The following CDH13 variants were observed in gnomAD, a reference collection of about 807,000 sequenced individuals.
The protein encoded by CDH13 is cadherin-13.
Under a neutral mutation model 63.8 loss-of-function variants are expected in CDH13, and 24 were observed. The observed-to-expected ratio is 0.38, with a 90% confidence interval of 0.27 to 0.53. The LOEUF is 0.53. Among genes scored for constraint, CDH13 ranks in the 20% least tolerant of loss-of-function variants. The pLI, the probability that CDH13 is intolerant of heterozygous loss-of-function variation, is 0.85. For missense variants in CDH13, 1,049 were observed against 903.1 expected (o/e 1.16, Z -2.07); for synonymous variants, 503 against 355.3 (o/e 1.42, Z -4.67).
chr16:83,486,636 C>G lies in CDH13; in HGVS notation c.941C>G (p.Pro314Arg). Residue 314 changes from proline (P) to arginine (R), a missense_variant, in exon 7 of 14, where the codon CCT (proline) becomes CGT (arginine). Physicochemically the swap from Pro to Arg is moderately radical, Grantham distance 103. Coordinates refer to ENST00000567109, the MANE Select transcript of CDH13 (RefSeq NM_001257.5). ...EKGDIVTVVSPALLDRETLEN... is the reference protein window; with the variant it reads ...EKGDIVTVVSRALLDRETLEN... The stretch of plus-strand genomic sequence containing the variant: ...GGAGACATTGTCACTGTTGTGTCAC[C>G]TGCGCTGCTGGACCGAGAGGTGAGC... The G allele has an allele frequency of 6.2e-7, 1 of 1,613,836 alleles. No individual in the cohort carries two copies. Among genetic ancestry groups the G allele is most frequent in the Non-Finnish European group, 8.5e-7 (1 of 1,179,762 alleles).
intron 7 of CDH13, among the ~76,000 whole-genome samples, chr16:83,584,650 G>A (rs190812779): frequency 6.6e-6 from 1 of 152,280 alleles, no homozygotes; most frequent in East Asian, 1.9e-4. Context: ...ATAGTGTCCA[G>A]GAGCTTCTGT....
At position 83,095,269 on chromosome 16, in the gene CDH13, A is replaced by G. The variant is rs190487180; in HGVS notation, c.367-30116A>G. On this transcript the variant is annotated intron_variant, in intron 3 of 13. Transcript: ENST00000567109. ...AACACTCACTGTTCCCAAAACTTTC[A>G]CCTCAATAATTCTGTCCACTGGTAT... 7.6e-4 allele frequency among the ~76,000 whole-genome samples: 116 copies of G among 152,258 alleles called. 1 individual carries two copies. Among genetic ancestry groups the G allele is most frequent in the African/African-American group, 2.6e-3 (110 of 41,556 alleles).
intron 1 of CDH13, among the ~76,000 whole-genome samples, chr16:82,790,534 T>C (rs548270776): frequency 1.3e-5 from 2 of 152,202 alleles, no homozygotes; most frequent in Non-Finnish European, 2.9e-5. Flanking sequence ...ACAAAAAAAT[T>C]ATTTGGTCAA....
intron 1 of CDH13, among the ~76,000 whole-genome samples, chr16:82,798,614 C>A (rs1216526865): frequency 3.3e-5 from 5 of 152,164 alleles, no homozygotes; most frequent in African/African-American, 9.7e-5. Context: ...TTGGAAGACA[C>A]TTCCCCATTC....
At chr16:83,693,038 G>T (rs1007534496) in intron 10 of CDH13, among the ~76,000 whole-genome samples, 2 of 152,184 alleles carry the variant, frequency 1.3e-5, no homozygotes, top group Admixed American at 6.5e-5. Context: ...AGCTGAGACT[G>T]CACCACTACA....
At chr16:83,122,407 T>G (rs2035622607) in intron 3 of CDH13, among the ~76,000 whole-genome samples, 1 of 152,252 alleles carries the variant, frequency 6.6e-6, no homozygotes, top group Non-Finnish European at 1.5e-5. Flanking sequence ...GTTTTCATTT[T>G]GAACACATTT....
At chr16:83,254,978 T>TTGAAG (rs1906064064) in intron 5 of CDH13, among the ~76,000 whole-genome samples, 1 of 22,770 alleles carries the variant, frequency 4.4e-5, no homozygotes, top group African/African-American at 1.2e-4. Context: ...TTTCTTTCTT[T>TTGAAG]CTTTCTTTCT....
intron 7 of CDH13, among the ~76,000 whole-genome samples, chr16:83,532,971 A>G (rs2075112858): frequency 6.6e-6 from 1 of 152,142 alleles, no homozygotes. Flanking sequence ...TCTAACACAA[A>G]CTCGTGGTGA....
At chr16:83,538,165 G>T (rs575167085) in intron 7 of CDH13, among the ~76,000 whole-genome samples, 23 of 152,222 alleles carry the variant, frequency 1.5e-4, no homozygotes, top group Non-Finnish European at 3.2e-4. Flanking sequence ...GTGCCGAGTG[G>T]CTCAGGAGAA....
At chr16:82,641,353 G>A (rs1909372808) in intron 1 of CDH13, among the ~76,000 whole-genome samples, 1 of 152,206 alleles carries the variant, frequency 6.6e-6, no homozygotes, top group Non-Finnish European at 1.5e-5. Flanking sequence ...GTCAGGATAT[G>A]CCCTGGGTAG....
intron 2 of CDH13, among the ~76,000 whole-genome samples, chr16:82,940,182 C>G (rs895625121): frequency 6.6e-6 from 1 of 152,142 alleles, no homozygotes; most frequent in Non-Finnish European, 1.5e-5. Context: ...GGGACGCAGC[C>G]AAACCATATC....
At chr16:82,984,789 T>TGTGCCCAGCCCCTGTCTCAGTG (rs1910727842) in intron 2 of CDH13, among the ~76,000 whole-genome samples, 1 of 152,214 alleles carries the variant, frequency 6.6e-6, no homozygotes, top group Non-Finnish European at 1.5e-5. Flanking sequence ...TAGTATGCTT[T>TGTGCCCAGCCCCTGTCTCAGTG]ATACACACAT....
intron 1 of CDH13, among the ~76,000 whole-genome samples, chr16:82,667,473 C>A (rs1912730634): frequency 6.6e-6 from 1 of 152,164 alleles, no homozygotes; most frequent in Non-Finnish European, 1.5e-5. Flanking sequence ...TGCTATTGGC[C>A]ATATGTTGGC....
intron 1 of CDH13, among the ~76,000 whole-genome samples, chr16:82,803,475 C>T (rs1015894758): frequency 2.0e-5 from 3 of 152,032 alleles, no homozygotes; most frequent in African/African-American, 4.8e-5. Context: ...TTTTGTAATG[C>T]CAGCATATAG....
chr16:82,968,255 A>G (rs1908154133), intron 2 of CDH13, among the ~76,000 whole-genome samples: 1 of 152,146 alleles, frequency 6.6e-6, no homozygotes, highest in Non-Finnish European at 1.5e-5. Context: ...ATATTCAAGT[A>G]TCCTAGCACG....
chr16:82,900,079 A>G (rs549138423), intron 2 of CDH13, among the ~76,000 whole-genome samples: 74 of 152,234 alleles, frequency 4.9e-4, no homozygotes, highest in African/African-American at 1.7e-3. Context: ...ACATGAACTT[A>G]CTTTGACTTT....
intron 3 of CDH13, among the ~76,000 whole-genome samples, chr16:83,043,162 T>C (rs991953964): frequency 2.0e-5 from 3 of 152,234 alleles, no homozygotes; most frequent in African/African-American, 7.2e-5. Context: ...AGGATACTAT[T>C]CATATATAGA....
intron 1 of CDH13, among the ~76,000 whole-genome samples, chr16:82,846,966 A>G (rs1404461188): frequency 6.6e-6 from 1 of 152,212 alleles, no homozygotes; most frequent in Non-Finnish European, 1.5e-5. Flanking sequence ...AGCACTTAGG[A>G]CACTCATTGC....
intron 5 of CDH13, among the ~76,000 whole-genome samples, chr16:83,258,909 C>T (rs1283203695): frequency 2.0e-5 from 3 of 152,208 alleles, no homozygotes; most frequent in African/African-American, 7.2e-5. Context: ...ACATCACTGC[C>T]TCTCCTTCCA....
Sources: gnomAD v4.1 joint callset for allele counts (sites outside exome capture counted in the v4.1 genomes callset) on GRCh38, gnomAD v4.1.1 for gene constraint, MANE v1.5 for transcripts, NCBI Gene and HGNC (gene_info 2026-07-23, HGNC 2026-07-21) for gene names.